Variants in FMN1 observed in about 807,000 individuals in gnomAD.
FMN1 encodes formin-1.
Under a neutral mutation model 132.4 loss-of-function variants are expected in FMN1, and 110 were observed. The observed-to-expected ratio is 0.83, with a 90% CI of 0.71 to 0.97. The LOEUF is 0.97. FMN1 is among the 50% of genes least tolerant of loss of function. The pLI is 0.00. For synonymous variants in FMN1, 722 were observed against 651.7 expected (o/e 1.11, Z -1.64); for missense variants, 1,792 against 1,705.3 (o/e 1.05, Z -0.90).
At chr15:33,082,093 A>ATG (rs61138142) in intron 5 of FMN1, among the ~76,000 whole-genome samples, 29,474 of 119,900 alleles carry the variant, frequency 0.25, 3,556 homozygotes, top group Admixed American at 0.29. Context: ...CTGGAAAACA[A>ATG]TGTGTGTGTG....
chr15:32,973,286 C>T (rs767924106), intron 7 of FMN1, among the ~76,000 whole-genome samples: 1 of 152,122 alleles, frequency 6.6e-6, no homozygotes, highest in Non-Finnish European at 1.5e-5. Flanking sequence ...CCCAGATATG[C>T]CCTGGATTCC....
intron 20 of FMN1, among the ~76,000 whole-genome samples, chr15:32,775,313 C>A (rs2056380982): frequency 6.6e-6 from 1 of 152,054 alleles, no homozygotes; most frequent in African/African-American, 2.4e-5. Flanking sequence ...TTTCCACCCA[C>A]CCACCCACAC....
chr15:33,020,324 C>T lies in FMN1; in HGVS notation c.2162-12249G>A, dbSNP rs186438908. ...GAACTGACTGCTTGGGAAACCGACCCCCCCAACCCCCCCACCAGATTCGGT... is the reference window on the plus strand; with the variant it reads ...GAACTGACTGCTTGGGAAACCGACCTCCCCAACCCCCCCACCAGATTCGGT... On this transcript the variant is annotated intron_variant, in intron 6 of 20. Coordinates refer to ENST00000616417, the MANE Select transcript of FMN1 (RefSeq NM_001277313.2). Among the ~76,000 whole-genome samples, 1,264 of 152,112 alleles carry T rather than the reference C, an allele frequency of 8.3e-3. 22 individuals are homozygous for T. The highest frequency in any genetic ancestry group is 0.029 in the African/African-American group (1,205 of 41,508).
rs1206076937 is a variant in FMN1 at position 32,770,376 on chromosome 15, T to A, written c.*3934A>T. The stretch of plus-strand genomic sequence containing the variant: ...TGTAACTTTCAAGAAAGGAAGAGTA[T>A]CATTAAAATGAAAATTTCTCTGTTG... On this transcript the variant is annotated 3_prime_UTR_variant, in exon 21 of 21. Coordinates refer to ENST00000616417, the MANE Select transcript of FMN1 (RefSeq NM_001277313.2). 6.8e-6 allele frequency: 1 copy of A among 147,838 alleles called. No homozygotes were observed. The highest frequency in any genetic ancestry group is 2.5e-5 in the African/African-American group (1 of 40,486). 9.2% of individuals were successfully genotyped at this position (147,838 alleles called of 1,614,324 possible). A position where few individuals can be genotyped will look rare whatever the true frequency, so the allele number is the denominator to read the frequency against.
At chr15:32,853,257 T>C (rs952247436) in intron 17 of FMN1, among the ~76,000 whole-genome samples, 3 of 152,186 alleles carry the variant, frequency 2.0e-5, no homozygotes, top group Non-Finnish European at 2.9e-5. Flanking sequence ...TACCTAAAAG[T>C]GTTGGGCATT....
intron 18 of FMN1, among the ~76,000 whole-genome samples, chr15:32,799,558 A>G (rs1388610686): frequency 6.6e-6 from 1 of 152,228 alleles, no homozygotes; most frequent in Non-Finnish European, 1.5e-5. Flanking sequence ...ATACAAGAAT[A>G]CAAACCACTG....
rs1555447312 is a variant in FMN1 at position 32,765,559 on chromosome 15, G to T, written c.*8751C>A. On this transcript the variant is annotated 3_prime_UTR_variant, in exon 21 of 21. Transcript: ENST00000616417. The stretch of plus-strand genomic sequence containing the variant: ...GCACACCAGATGGACATGAAACCAA[G>T]ATTTATTAAAATACCCTTAGCATAT... The T allele has an allele frequency of 6.6e-6, 1 of 152,160 alleles. No homozygotes were observed. Among genetic ancestry groups the T allele is most frequent in the Non-Finnish European group, 1.5e-5 (1 of 68,042 alleles). 9.4% of individuals were successfully genotyped at this position (152,160 alleles called of 1,614,324 possible).
chr15:32,999,883 T>C (rs1329063677), intron 7 of FMN1, among the ~76,000 whole-genome samples: 3 of 152,180 alleles, frequency 2.0e-5, no homozygotes, highest in South Asian at 2.1e-4. Flanking sequence ...CCTTTCAAAA[T>C]TGAAGAAGTA....
At chr15:32,866,555 C>T (rs957373627) in intron 16 of FMN1, among the ~76,000 whole-genome samples, 4 of 152,198 alleles carry the variant, frequency 2.6e-5, no homozygotes, top group South Asian at 2.1e-4. Flanking sequence ...ACCTCACAAA[C>T]TCTTTGAATA....
chr15:33,057,129 A>G (rs1224423143), intron 6 of FMN1, among the ~76,000 whole-genome samples: 4 of 152,214 alleles, frequency 2.6e-5, no homozygotes. Flanking sequence ...GTGAGCTGAG[A>G]TGGCACCACT....
intron 19 of FMN1, among the ~76,000 whole-genome samples, chr15:32,782,943 TA>T (rs2056712420): frequency 6.6e-6 from 1 of 152,142 alleles, no homozygotes; most frequent in South Asian, 2.1e-4. Flanking sequence ...AAGTGGGAGC[TA>T]AACAGTGGTT....
rs1205500623 is a variant in FMN1 at position 32,768,942 on chromosome 15, G to C, written c.*5368C>G. ...AAGTCTGGAGTTCACATGAGCTCTTGACTGAAGGACACGATCCTATCAGAG... is the reference window on the plus strand; with the variant it reads ...AAGTCTGGAGTTCACATGAGCTCTTCACTGAAGGACACGATCCTATCAGAG... On this transcript the variant is annotated 3_prime_UTR_variant, in exon 21 of 21. Coordinates refer to ENST00000616417, the MANE Select transcript of FMN1 (RefSeq NM_001277313.2). The C allele has an allele frequency of 6.6e-6, 1 of 152,186 alleles. No individual in the cohort carries two copies. The highest frequency in any genetic ancestry group is 1.5e-5 in the Non-Finnish European group (1 of 68,040). The allele number at this position is 152,186 out of a possible 1,614,324, so 9.4% of individuals were successfully genotyped here. A position where few individuals can be genotyped will look rare whatever the true frequency, so the allele number is the denominator to read the frequency against.
At chr15:33,055,731 A>C (rs1188303704) in intron 6 of FMN1, among the ~76,000 whole-genome samples, 1 of 152,212 alleles carries the variant, frequency 6.6e-6, no homozygotes, top group Non-Finnish European at 1.5e-5. Context: ...GCTTAGAAAA[A>C]TAAGAAGGCT....
rs921684841 is a variant in FMN1 at position 32,768,023 on chromosome 15, CA to C, written c.*6286del. 2 of 152,166 alleles carry C rather than the reference CA, an allele frequency of 1.3e-5. No individual in the cohort carries two copies. The highest frequency in any genetic ancestry group is 2.9e-5 in the Non-Finnish European group (2 of 68,034). The allele number at this position is 152,166 out of a possible 1,614,324, so 9.4% of individuals were successfully genotyped here. ...GGAAAAAGGAGATATTTATAATTCA[CA>C]AAAACATCTAAAATGTAAAGATTTC... On this transcript the variant is annotated 3_prime_UTR_variant, in exon 21 of 21. Coordinates refer to ENST00000616417, the MANE Select transcript of FMN1 (RefSeq NM_001277313.2).
At position 33,067,199 on chromosome 15, in the gene FMN1, C is replaced by A. The variant is rs772201593; in HGVS notation, c.2044-2125G>T. ...TTCTCCCACCTGGTCCTGGCTGGGGCGACGCTCTGTCTGAAGACCACCGTT... is the reference window on the plus strand; with the variant it reads ...TTCTCCCACCTGGTCCTGGCTGGGGAGACGCTCTGTCTGAAGACCACCGTT... On this transcript the variant is annotated intron_variant, in intron 5 of 20. Transcript: ENST00000616417. 3.7e-6 allele frequency: 6 copies of A among 1,613,524 alleles called. No individual in the cohort carries two copies. In the African/African-American group the frequency reaches 6.7e-5, roughly 18 times the overall value.
intron 9 of FMN1, among the ~76,000 whole-genome samples, chr15:32,961,058 C>G (rs1033189603): frequency 7.0e-6 from 1 of 143,244 alleles, no homozygotes; most frequent in African/African-American, 2.6e-5. Context: ...ACATACTTTT[C>G]AAAACACTGC....
chr15:33,078,178 G>A (rs570708066), intron 5 of FMN1, among the ~76,000 whole-genome samples: 7 of 152,266 alleles, frequency 4.6e-5, no homozygotes, highest in Non-Finnish European at 1.0e-4. Flanking sequence ...TAGCATCCAC[G>A]CGTAAAATGG....
chr15:32,901,160 AAAAGAAAG>A lies in FMN1; in HGVS notation c.3507+743_3507+750del, dbSNP rs145875428. On this transcript the variant is annotated intron_variant, in intron 13 of 20. Coordinates refer to ENST00000616417, the MANE Select transcript of FMN1 (RefSeq NM_001277313.2). Reference sequence around the variant, plus strand: ...GAAGAATGAGACTCCGTCTCAAAAAAAAAGAAAGAAAGAAAGAAAGAAAAAAAATTCAG... The same window carrying A: ...GAAGAATGAGACTCCGTCTCAAAAAAAAAGAAAGAAAGAAAAAAAATTCAG... Among the ~76,000 whole-genome samples the A allele has an allele frequency of 3.9e-5, 6 of 152,162 alleles. No homozygotes were observed. In the South Asian group the frequency reaches 6.2e-4, roughly 16 times the overall value.
At chr15:33,140,118 C>T (rs4780086) in intron 4 of FMN1, among the ~76,000 whole-genome samples, 55,055 of 150,784 alleles carry the variant, frequency 0.37, 11,349 homozygotes, top group South Asian at 0.49. Context: ...CAGCAATATC[C>T]CTGAAAGAAA....
Sources: allele counts gnomAD v4.1 joint callset (sites outside exome capture counted in the v4.1 genomes callset), GRCh38; gene constraint gnomAD v4.1.1; transcripts MANE v1.5; gene names NCBI Gene and HGNC (gene_info 2026-07-23, HGNC 2026-07-21).